The following ITGA2 variants were observed in gnomAD, a reference collection of about 807,000 sequenced individuals.
ITGA2 encodes integrin subunit alpha 2.
In ITGA2, 101 loss-of-function variants were observed where a neutral mutation model predicts 146.3. The ratio of observed to expected loss-of-function variants is 0.69; its 90% confidence interval spans 0.59 to 0.81. ITGA2 has a LOEUF of 0.81. Among genes scored for constraint, ITGA2 ranks in the 40% least tolerant of loss-of-function variants. The pLI, the probability that ITGA2 is intolerant of heterozygous loss-of-function variation, is 0.00. For missense variants in ITGA2, 1,281 were observed against 1,402.7 expected (o/e 0.91, Z 1.39); for synonymous variants, 477 against 487.1 (o/e 0.98, Z 0.27).
At position 52,989,382 on chromosome 5, in the gene ITGA2, T is replaced by C; in HGVS notation, c.-87T>C. ...AGCCCTCTGGACAGCTTCTAGAGTG[T>C]GCAGGTTCTCGTATCCCTCGGCCAA... On this transcript the variant is annotated 5_prime_UTR_variant, in exon 1 of 30. Transcript: ENST00000296585. 1.5e-6 allele frequency: 2 copies of C among 1,364,614 alleles called. No homozygotes were observed. Among genetic ancestry groups the C allele is most frequent in the Non-Finnish European group, 2.1e-6 (2 of 954,090 alleles). The allele number at this position is 1,364,614 out of a possible 1,614,324, so 84.5% of individuals were successfully genotyped here. A position where few individuals can be genotyped will look rare whatever the true frequency, so the allele number is the denominator to read the frequency against.
chr5:53,027,301 G>T (rs1202131236), intron 2 of ITGA2, among the ~76,000 whole-genome samples: 1 of 152,054 alleles, frequency 6.6e-6, no homozygotes, highest in Non-Finnish European at 1.5e-5. Flanking sequence ...GCAAGGTTTT[G>T]TCTACTTGCT....
chr5:53,060,180 A>C (rs1184672343), intron 11 of ITGA2, among the ~76,000 whole-genome samples, 168 bp downstream of exon 11: 1 of 151,966 alleles, frequency 6.6e-6, no homozygotes, highest in Non-Finnish European at 1.5e-5. Context: ...TTAAGGCATA[A>C]CTACTTATTG....
At chr5:52,997,186 A>G (rs1462439369) in intron 1 of ITGA2, among the ~76,000 whole-genome samples, 9 of 152,244 alleles carry the variant, frequency 5.9e-5, no homozygotes, top group Non-Finnish European at 1.3e-4. Context: ...GGGACAGTTA[A>G]TGATTTTCAA....
At position 53,073,209 on chromosome 5, in the gene ITGA2, ATTG is replaced by A. The variant is rs1256962807; in HGVS notation, c.2528_2530del (p.Val843del). On this transcript the variant is annotated inframe_deletion, in exon 20 of 30. Coordinates refer to ENST00000296585, the MANE Select transcript of ITGA2 (RefSeq NM_002203.4). ...AAGGGAAAGTGCATACAACACTGGA[ATTG>A]TTGTTGATTTTTCAGAAAACTTGTT... 2 of 1,612,392 alleles carry A rather than the reference ATTG, an allele frequency of 1.2e-6. No homozygotes were observed. The highest frequency in any genetic ancestry group is 8.5e-7 in the Non-Finnish European group (1 of 1,178,930).
chr5:53,019,760 A>C (rs1273179596), intron 1 of ITGA2, among the ~76,000 whole-genome samples: 1 of 152,078 alleles, frequency 6.6e-6, no homozygotes, highest in Non-Finnish European at 1.5e-5. Flanking sequence ...TCCTTACCTC[A>C]GGTGATCTGT....
chr5:53,012,161 T>C (rs1458154681), intron 1 of ITGA2, among the ~76,000 whole-genome samples: 1 of 152,168 alleles, frequency 6.6e-6, no homozygotes, highest in Non-Finnish European at 1.5e-5. Context: ...TAAATTTCAT[T>C]GATGATTAAC....
At chr5:53,060,292 C>T (rs1296636744) in intron 11 of ITGA2, among the ~76,000 whole-genome samples, 1 of 151,902 alleles carries the variant, frequency 6.6e-6, no homozygotes, top group Non-Finnish European at 1.5e-5. Context: ...TCCCAAAAGT[C>T]AATACAGTAA....
intron 4 of ITGA2, among the ~76,000 whole-genome samples, chr5:53,045,679 AC>A: frequency 6.6e-6 from 1 of 152,318 alleles, no homozygotes; most frequent in South Asian, 2.1e-4. Flanking sequence ...ATATAAAAAA[AC>A]TAGAAAAAAA....
chr5:53,049,878 T>C (rs576101376), intron 6 of ITGA2, among the ~76,000 whole-genome samples: 1 of 152,332 alleles, frequency 6.6e-6, no homozygotes, highest in East Asian at 1.9e-4. Context: ...CTAAATGCTT[T>C]CCAGCTATCT....
At chr5:53,027,992 G>A (rs1382721753) in intron 2 of ITGA2, among the ~76,000 whole-genome samples, 1 of 152,040 alleles carries the variant, frequency 6.6e-6, no homozygotes, top group African/African-American at 2.4e-5. Context: ...GAGCTGGGAG[G>A]TTGGCTTGAG....
chr5:53,038,130 G>A (rs1191303930), intron 2 of ITGA2, among the ~76,000 whole-genome samples: 1 of 150,864 alleles, frequency 6.6e-6, no homozygotes, highest in Non-Finnish European at 1.5e-5. Context: ...GGAGTGCTTA[G>A]TTGAGAGAAA....
intron 1 of ITGA2, among the ~76,000 whole-genome samples, chr5:53,017,987 G>C (rs1742478668): frequency 6.6e-6 from 1 of 152,096 alleles, no homozygotes; most frequent in Admixed American, 6.5e-5. Flanking sequence ...GGAGCCCTCT[G>C]ATGGCCAGGC....
intron 1 of ITGA2, among the ~76,000 whole-genome samples, chr5:52,997,707 A>C (rs1741342033): frequency 6.6e-6 from 1 of 152,192 alleles, no homozygotes; most frequent in Admixed American, 6.5e-5. Context: ...GTTCAGTCAG[A>C]CAACTCTATT....
intron 1 of ITGA2, among the ~76,000 whole-genome samples, chr5:52,993,420 G>A (rs1741070497): frequency 6.6e-6 from 1 of 152,142 alleles, no homozygotes; most frequent in South Asian, 2.1e-4. Flanking sequence ...GGTCTGGTTT[G>A]GAAGTGATTG....
chr5:53,083,418 G>C lies in ITGA2; in HGVS notation c.3223G>C (p.Val1075Leu), dbSNP rs750579339. The change falls in exon 27 of 30, where the codon GTG becomes CTG. Residue 1075 changes from valine (V) to leucine (L), a missense_variant. By Grantham distance (32) the Val-to-Leu change is conservative (BLOSUM62 1). Around this residue, in one of 3 missense-constraint regions of ITGA2, gnomAD observed 475 missense variants for 530.5 expected, o/e 0.90. Coordinates refer to ENST00000296585, the MANE Select transcript of ITGA2 (RefSeq NM_002203.4). The stretch of plus-strand genomic sequence containing the variant: ...CATGAAAGGAGAATACTTTGTTAAT[G>C]TGACTACCAGAATTTGGAACGGGAC... ...VHMKGEYFVNVTTRIWNGTFA... is the reference protein window; with the variant it reads ...VHMKGEYFVNLTTRIWNGTFA... The C allele has an allele frequency of 6.2e-7, 1 of 1,612,058 alleles. No individual in the cohort carries two copies. The highest frequency in any genetic ancestry group is 1.1e-5 in the South Asian group (1 of 91,030).
intron 10 of ITGA2, 115 bp from the exon 11 acceptor site, chr5:53,059,759 A>G (rs555844956): frequency 1.0e-6 from 1 of 967,722 alleles, no homozygotes; most frequent in South Asian, 1.4e-5. Context: ...ATGTTCATAT[A>G]TATTTCATCA....
chr5:53,029,626 T>C (rs1478017730), intron 2 of ITGA2, among the ~76,000 whole-genome samples: 1 of 152,210 alleles, frequency 6.6e-6, no homozygotes. Context: ...ACAGGTGGAT[T>C]TATTTTCTAA....
chr5:53,076,732 A>T (rs1745680380), intron 23 of ITGA2, among the ~76,000 whole-genome samples: 1 of 152,076 alleles, frequency 6.6e-6, no homozygotes, highest in African/African-American at 2.4e-5. Flanking sequence ...TTGAAATGAG[A>T]CTTTACTTTT....
chr5:53,062,686 C>G, intron 12 of ITGA2, 100 bp from the exon 13 acceptor site: 1 of 1,308,416 alleles, frequency 7.6e-7, no homozygotes, highest in Non-Finnish European at 1.1e-6. Flanking sequence ...ATAGTAAACA[C>G]TCAATTTTTG....
Sources: allele counts gnomAD v4.1 joint callset (sites outside exome capture counted in the v4.1 genomes callset), GRCh38; gene constraint gnomAD v4.1.1; regional missense constraint gnomAD v4.1.1; transcripts MANE v1.5; gene names NCBI Gene and HGNC (gene_info 2026-07-23, HGNC 2026-07-21).